The following CCDC144A variants were observed in gnomAD, a reference collection of about 807,000 sequenced individuals.
CCDC144A encodes the protein coiled-coil domain-containing protein 144A.
Under a neutral mutation model 143.8 loss-of-function variants are expected in CCDC144A, and 41 were observed. That is an observed-to-expected ratio of 0.29 (90% CI 0.22 to 0.37). The LOEUF is 0.37. CCDC144A is among the 10% of genes least tolerant of loss of function. The probability of loss-of-function intolerance (pLI) is 1.00; values close to 1 mark genes in which losing one functional copy is unlikely to be tolerated. For synonymous variants in CCDC144A, 242 were observed against 517.9 expected (o/e 0.47, Z 7.23); for missense variants, 637 against 1,488.8 (o/e 0.43, Z 9.41).
At chr17:16,772,773 C>A in intron 16 of CCDC144A, 1 of 1,612,734 alleles carries the variant, frequency 6.2e-7, no homozygotes, top group Non-Finnish European at 8.5e-7. Context: ...GGATAGGTGT[C>A]CCTCTTGCAT....
chr17:16,734,613 A>G lies in CCDC144A; in HGVS notation c.2419-77A>G. 3 of 1,388,890 alleles carry G rather than the reference A, an allele frequency of 2.2e-6. No individual in the cohort carries two copies. The East Asian group carries it at 7.5e-5, about 35-fold the overall frequency. 86.0% of individuals were successfully genotyped at this position (1,388,890 alleles called of 1,614,324 possible). ...CCACTTATGGCAATCTTTTCATTGT[A>G]TACATTATTTAATTTCAGAGAAAAT... is the stretch of plus-strand genomic sequence containing the variant. On this transcript the variant is annotated intron_variant, in intron 11 of 16. Transcript: ENST00000399273.
At position 16,709,317 on chromosome 17, in the gene CCDC144A, C is replaced by T; in HGVS notation, c.1260C>T (p.Asn420=). 7 of 1,611,542 alleles carry T rather than the reference C, an allele frequency of 4.3e-6. No homozygotes were observed. The highest frequency in any genetic ancestry group is 5.9e-6 in the Non-Finnish European group (7 of 1,179,572). ...GACATATTTTTAGTACAGATAAGAA[C>T]TTTCATAATGATGCAAGCACTAAGA... is the stretch of plus-strand genomic sequence containing the variant. ...GIGHIFSTDK[N]FHNDASTKKA... Residue 420 remains asparagine (N), a synonymous_variant, in exon 5 of 17, where the codon AAC becomes AAT. Coordinates refer to ENST00000399273, the MANE Select transcript of CCDC144A (RefSeq NM_001382000.1).
At chr17:16,683,470 C>T in the CCDC144A span, 1 of 1,358,098 alleles carries the variant, frequency 7.4e-7, no homozygotes, top group Non-Finnish European at 1.0e-6. Flanking sequence ...GGCAGAGTCG[C>T]CTTGGCCGCC....
Position 16,709,010 on chromosome 17 carries a change from A to T in CCDC144A, c.953A>T (p.Glu318Val), listed in dbSNP as rs748662035. The T allele has an allele frequency of 6.2e-7, 1 of 1,611,586 alleles. No homozygotes were observed. The highest frequency in any genetic ancestry group is 8.5e-7 in the Non-Finnish European group (1 of 1,179,640). The change falls in exon 5 of 17, where the codon GAG (glutamate) becomes GTG (valine). Residue 318 changes from glutamate (E) to valine (V), a missense_variant. Coordinates refer to ENST00000399273, the MANE Select transcript of CCDC144A (RefSeq NM_001382000.1). ...AAAATTCCGGCTTGTCCTGAGGAAG[A>T]GCCACTACTTGATAACTCTACAAGA... ...KYKIPACPEEEPLLDNSTRGT... is the reference protein window; with the variant it reads ...KYKIPACPEEVPLLDNSTRGT...
chr17:16,692,281 C>A (rs1159203578), intron 1 of CCDC144A, among the ~76,000 whole-genome samples: 1 of 150,408 alleles, frequency 6.6e-6, no homozygotes, highest in Non-Finnish European at 1.5e-5. Context: ...TATTAGCTTT[C>A]TCCCCTTGGC....
intron 12 of CCDC144A, chr17:16,746,142 G>A: frequency 1.3e-6 from 2 of 1,572,896 alleles, no homozygotes; most frequent in South Asian, 1.1e-5. Context: ...GCCACCTCCA[G>A]TATCAATCTC....
chr17:16,744,213 G>T (rs1914386652), intron 12 of CCDC144A, among the ~76,000 whole-genome samples: 2 of 152,142 alleles, frequency 1.3e-5, no homozygotes, highest in Admixed American at 6.5e-5. Flanking sequence ...CCAACTAATG[G>T]GATTGCTGGG....
At position 16,749,582 on chromosome 17, in the gene CCDC144A, T is replaced by G. The variant is rs1914693106; in HGVS notation, c.3373-11843T>G. On this transcript the variant is annotated intron_variant, in intron 12 of 16. Coordinates refer to ENST00000399273, the MANE Select transcript of CCDC144A (RefSeq NM_001382000.1). ...TATTCTGTAGTTGTTTGGTGGAGTA[T>G]TCTGTAGATGTCTGTTAGGTCCAAT... 2.0e-5 allele frequency among the ~76,000 whole-genome samples: 3 copies of G among 152,232 alleles called. No individual in the cohort carries two copies. The South Asian group carries it at 6.2e-4, about 32-fold the overall frequency.
chr17:16,686,736 TCACACACACAAACACACA>T (rs1193083845), upstream of CCDC144A, among the ~76,000 whole-genome samples: 2 of 133,062 alleles, frequency 1.5e-5, no homozygotes, highest in South Asian at 2.5e-4. Flanking sequence ...TCTGCCTCTG[TCACACACACAAACACACA>T]CACACACACA....
Position 16,690,532 on chromosome 17 carries a change from G to A in CCDC144A, c.132G>A (p.Gln44=). The change falls in exon 1 of 17, where the codon CAG becomes CAA. Residue 44 remains glutamine (Q), a synonymous_variant. Coordinates refer to ENST00000399273, the MANE Select transcript of CCDC144A (RefSeq NM_001382000.1). ...DQWYLGYPGD[Q]WSSGFPYSWW... is the part of the protein sequence containing the mutation. ...GGTACTTGGGCTACCCGGGGGACCA[G>A]TGGTCCTCGGGCTTCCCCTACAGCT... is the stretch of plus-strand genomic sequence containing the variant. 1 of 1,613,668 alleles carries A rather than the reference G, an allele frequency of 6.2e-7. No homozygotes were observed. Among genetic ancestry groups the A allele is most frequent in the South Asian group, 1.1e-5 (1 of 91,070 alleles).
At chr17:16,693,853 A>G (rs2143036549) in intron 2 of CCDC144A, among the ~76,000 whole-genome samples, 1 of 149,184 alleles carries the variant, frequency 6.7e-6, no homozygotes, top group African/African-American at 2.5e-5. Flanking sequence ...CGTAACTACT[A>G]ATAGCTAACT....
intron 12 of CCDC144A, among the ~76,000 whole-genome samples, chr17:16,748,318 A>G (rs1413215482): frequency 1.3e-5 from 2 of 152,054 alleles, no homozygotes; most frequent in African/African-American, 4.8e-5. Flanking sequence ...GATGGACGTT[A>G]TTGAAAGCTT....
rs750724718 is a variant in CCDC144A at position 16,709,348 on chromosome 17, A to C, written c.1291A>C (p.Arg431=). ...FHNDASTKKA[R]NPEVVMVEMK... ...TAATGATGCAAGCACTAAGAAAGCA[A>C]GGAACCCAGAAGTGGTTATGGTTGA... Residue 431 remains arginine, a synonymous_variant, in exon 5 of 17, where the codon AGG becomes CGG. Transcript: ENST00000399273. 8.1e-6 allele frequency: 13 copies of C among 1,611,714 alleles called. No homozygotes were observed. The Admixed American group carries it at 8.3e-5, about 10-fold the overall frequency.
chr17:16,723,646 C>T (rs1913221459), intron 8 of CCDC144A, among the ~76,000 whole-genome samples: 1 of 152,096 alleles, frequency 6.6e-6, no homozygotes, highest in Non-Finnish European at 1.5e-5. Context: ...TCTTTTTTCC[C>T]CCTGTGTCCT....
chr17:16,753,434 T>TTTTTTGTTGTTG (rs1914907715), intron 12 of CCDC144A, among the ~76,000 whole-genome samples: 1 of 118,562 alleles, frequency 8.4e-6, no homozygotes. Context: ...TGTAGTTTTT[T>TTTTTTGTTGTTG]TTTTTTTTTT....
At chr17:16,737,576 C>T (rs1597572117) in intron 12 of CCDC144A, 2 of 1,298,364 alleles carry the variant, frequency 1.5e-6, no homozygotes, top group East Asian at 5.6e-5. Flanking sequence ...GGACCGATCT[C>T]CTAAAACAAC....
rs1281845059 is a variant in CCDC144A, at chr17:16,753,436, T to TGTTGTTGTTG, written c.3373-7989_3373-7988insGTTGTTGTTG. On this transcript the variant is annotated intron_variant, in intron 12 of 16. Transcript: ENST00000399273. ...TTTGTCAGTGTTTTGTAGTTTTTTT[T>TGTTGTTGTTG]TTTTTTTTTTTTTTTTTTTTGTAAA... Among the ~76,000 whole-genome samples the TGTTGTTGTTG allele has an allele frequency of 1.1e-3, 155 of 135,566 alleles. 4 individuals carry two copies. The highest frequency in any genetic ancestry group is 4.9e-3 in the African/African-American group (146 of 29,556). 88.9% of individuals were successfully genotyped at this position (135,566 alleles called of 152,430 possible). A position where few individuals can be genotyped will look rare whatever the true frequency, so the allele number is the denominator to read the frequency against.
At chr17:16,726,498 A>G (rs1388345868) in intron 8 of CCDC144A, among the ~76,000 whole-genome samples, 2 of 150,076 alleles carry the variant, frequency 1.3e-5, no homozygotes, top group African/African-American at 2.5e-5. Flanking sequence ...GATCTTTCTG[A>G]TCTTGCTTTT....
intron 12 of CCDC144A, chr17:16,737,544 A>G (rs898922966): frequency 7.8e-7 from 1 of 1,287,708 alleles, no homozygotes; most frequent in Non-Finnish European, 1.0e-6. Flanking sequence ...ACAGGTAGTT[A>G]TGAGAGAATT....
Sources: gnomAD v4.1 joint callset for allele counts (sites outside exome capture counted in the v4.1 genomes callset) on GRCh38, gnomAD v4.1.1 for gene constraint, MANE v1.5 for transcripts, NCBI Gene and HGNC (gene_info 2026-07-23, HGNC 2026-07-21) for gene names.